Variants in SEMA6D observed in about 807,000 individuals in gnomAD.
SEMA6D encodes the protein semaphorin 6D.
SEMA6D carries 35 observed loss-of-function variants against 106.6 expected under a neutral mutation model. The ratio of observed to expected loss-of-function variants is 0.33; its 90% CI spans 0.25 to 0.44. The LOEUF (loss-of-function observed/expected upper bound fraction) is 0.44. SEMA6D is among the 20% of genes least tolerant of loss of function. SEMA6D has a pLI of 1.00. For missense variants in SEMA6D, 1,185 were observed against 1,345.9 expected (o/e 0.88, Z 1.87); for synonymous variants, 499 against 487.7 (o/e 1.02, Z -0.31).
In SEMA6D at chr15:47,576,236, A is replaced by G. The variant is rs1006271690; in HGVS notation, c.-86-24629A>G. Among the ~76,000 whole-genome samples, 4 of 152,206 alleles carry G rather than the reference A, an allele frequency of 2.6e-5. 1 individual carries two copies. Among genetic ancestry groups the G allele is most frequent in the Non-Finnish European group, 5.9e-5 (4 of 68,030 alleles). On this transcript the variant is annotated intron_variant, in intron 3 of 19. Coordinates refer to the SEMA6D transcript ENST00000558014. ...AGTGATGGAGCTACAGAACTGAAAT[A>G]AAGAGAAACCAAAATGATTTGTTAA...
intron 1 of SEMA6D, among the ~76,000 whole-genome samples, chr15:47,192,033 T>C (rs1893999112): frequency 6.6e-6 from 1 of 152,170 alleles, no homozygotes; most frequent in Non-Finnish European, 1.5e-5. Flanking sequence ...AAGCTGAACA[T>C]ATCTAAGGGA....
At chr15:47,444,757 T>C (rs751364230) in intron 2 of SEMA6D, among the ~76,000 whole-genome samples, 3 of 152,052 alleles carry the variant, frequency 2.0e-5, no homozygotes, top group Non-Finnish European at 4.4e-5. Flanking sequence ...TCCTGCCCCA[T>C]GGTAGTGTCT....
intron 1 of SEMA6D, among the ~76,000 whole-genome samples, chr15:47,297,243 T>G (rs527240807): frequency 6.6e-6 from 1 of 152,328 alleles, no homozygotes; most frequent in Admixed American, 6.5e-5. Context: ...GCATAAAACA[T>G]TTTTATGATT....
chr15:47,635,545 C>G (rs1337747698), intron 4 of SEMA6D, among the ~76,000 whole-genome samples: 1 of 152,116 alleles, frequency 6.6e-6, no homozygotes, highest in Non-Finnish European at 1.5e-5. Context: ...AAAATATTTA[C>G]AATACATGGT....
At chr15:47,479,796 T>C (rs1253839076) in intron 3 of SEMA6D, among the ~76,000 whole-genome samples, 1 of 151,950 alleles carries the variant, frequency 6.6e-6, no homozygotes, top group African/African-American at 2.4e-5. Flanking sequence ...TACAGACAAA[T>C]GTAAGTGGTT....
intron 3 of SEMA6D, among the ~76,000 whole-genome samples, chr15:47,535,687 A>G (rs942996827): frequency 1.3e-5 from 2 of 151,924 alleles, no homozygotes; most frequent in Non-Finnish European, 2.9e-5. Context: ...CAAAAAAAAA[A>G]TAAATTAAGA....
At chr15:47,617,664 A>T (rs1529886) in intron 4 of SEMA6D, among the ~76,000 whole-genome samples, 37,504 of 152,112 alleles carry the variant, frequency 0.25, 5,458 homozygotes, top group East Asian at 0.46. Flanking sequence ...TACCCTGCAG[A>T]GTTAAATTCC....
At chr15:47,300,805 T>C (rs1357477196) in intron 1 of SEMA6D, among the ~76,000 whole-genome samples, 1 of 152,190 alleles carries the variant, frequency 6.6e-6, no homozygotes, top group Non-Finnish European at 1.5e-5. Context: ...AGGCTAGGCT[T>C]AGGCCAACAC....
chr15:47,681,076 C>T (rs1486875918), intron 4 of SEMA6D, among the ~76,000 whole-genome samples: 1 of 152,192 alleles, frequency 6.6e-6, no homozygotes, highest in Non-Finnish European at 1.5e-5. Flanking sequence ...AACAATCCCA[C>T]TTCTGGGTAT....
intron 1 of SEMA6D, among the ~76,000 whole-genome samples, chr15:47,238,885 A>G (rs909155557): frequency 2.0e-5 from 3 of 152,182 alleles, no homozygotes; most frequent in Non-Finnish European, 4.4e-5. Context: ...ACTTAGGAAT[A>G]AATATGCCAC....
At chr15:47,602,923 A>G (rs2076693478) in intron 4 of SEMA6D, among the ~76,000 whole-genome samples, 1 of 152,180 alleles carries the variant, frequency 6.6e-6, no homozygotes, top group Non-Finnish European at 1.5e-5. Flanking sequence ...ACAAGTGGAT[A>G]GGATCCACTT....
intron 1 of SEMA6D, among the ~76,000 whole-genome samples, chr15:47,386,432 C>A (rs1016398794): frequency 5.3e-5 from 8 of 152,102 alleles, no homozygotes; most frequent in Non-Finnish European, 1.2e-4. Context: ...TAGTGGAATG[C>A]CTGTGAGCAA....
chr15:47,317,137 A>G (rs1314247223), intron 1 of SEMA6D, among the ~76,000 whole-genome samples: 1 of 152,146 alleles, frequency 6.6e-6, no homozygotes, highest in Non-Finnish European at 1.5e-5. Flanking sequence ...AGTTTTGGCG[A>G]ATTGTGTCTT....
intron 1 of SEMA6D, among the ~76,000 whole-genome samples, chr15:47,372,611 A>T (rs764477743): frequency 3.3e-5 from 5 of 152,124 alleles, no homozygotes; most frequent in Non-Finnish European, 5.9e-5. Context: ...CCCCTTTGGT[A>T]CACTCTTTCC....
In SEMA6D at chr15:47,764,987, C is replaced by G; in HGVS notation, c.1358C>G (p.Ala453Gly). ...GCTGGCATGGTACTTAAAGTTCTGG[C>G]AAAGACCAGTCCTTTCTCTTTGAAC... ...SEAGMVLKVL[A>G]KTSPFSLNDS... The change falls in exon 13 of 19, where the codon GCA (alanine) becomes GGA (glycine). Residue 453 changes from alanine to glycine, a missense_variant. Ala to Gly is a moderately conservative substitution (Grantham distance 60). Coordinates refer to ENST00000536845, the MANE Select transcript of SEMA6D (RefSeq NM_001358351.3). The G allele has an allele frequency of 6.2e-7, 1 of 1,613,898 alleles. No homozygotes were observed. The highest frequency in any genetic ancestry group is 8.5e-7 in the Non-Finnish European group (1 of 1,179,840).
intron 1 of SEMA6D, among the ~76,000 whole-genome samples, chr15:47,200,627 G>A (rs1894659978): frequency 6.6e-6 from 1 of 152,070 alleles, no homozygotes; most frequent in Non-Finnish European, 1.5e-5. Flanking sequence ...AATTTATGTA[G>A]TAAAGTCATT....
intron 1 of SEMA6D, among the ~76,000 whole-genome samples, chr15:47,357,679 C>T (rs2038639888): frequency 6.6e-6 from 1 of 152,102 alleles, no homozygotes; most frequent in African/African-American, 2.4e-5. Flanking sequence ...TTAGATTGTG[C>T]CCACCCACAT....
At chr15:47,314,597 C>CAAAAAAAAAAAAAAAAAA (rs764929520) in intron 1 of SEMA6D, among the ~76,000 whole-genome samples, 5 of 24,292 alleles carry the variant, frequency 2.1e-4, no homozygotes, top group Non-Finnish European at 5.7e-4. Context: ...GACTCCATCT[C>CAAAAAAAAAAAAAAAAAA]AAAAAAAAAA....
chr15:47,666,837 A>G (rs1411980253), intron 4 of SEMA6D, among the ~76,000 whole-genome samples: 7 of 151,958 alleles, frequency 4.6e-5, no homozygotes, highest in Non-Finnish European at 1.0e-4. Context: ...TTTCCAAATT[A>G]TCATCCCATG....
Sources: gnomAD v4.1 joint callset for allele counts (sites outside exome capture counted in the v4.1 genomes callset) on GRCh38, gnomAD v4.1.1 for gene constraint, MANE v1.5 for transcripts, NCBI Gene and HGNC (gene_info 2026-07-23, HGNC 2026-07-21) for gene names.